The following MOSMO variants were observed in gnomAD, a reference collection of about 807,000 sequenced individuals.
MOSMO encodes the protein modulator of smoothened protein.
A neutral mutation model predicts 18.4 loss-of-function variants in MOSMO; 5 were observed. That is an observed-to-expected ratio of 0.27 (90% CI 0.14 to 0.57). MOSMO has a LOEUF of 0.57. Among genes scored for constraint, MOSMO ranks in the 20% least tolerant of loss-of-function variants. The pLI, the probability that MOSMO is intolerant of heterozygous loss-of-function variation, is 0.92. For synonymous variants in MOSMO, 82 were observed against 82.3 expected, an observed-to-expected ratio of 1.00 and a Z score of 0.02; for missense variants, 138 against 211.8, an observed-to-expected ratio of 0.65 and a Z score of 2.16.
At chr16:22,010,939 A>G (rs1477037584) in intron 1 of MOSMO, among the ~76,000 whole-genome samples, 1 of 152,064 alleles carries the variant, frequency 6.6e-6, no homozygotes, top group Non-Finnish European at 1.5e-5. Context: ...AACAGAAAAA[A>G]AAAAAAAAAG....
intron 1 of MOSMO, among the ~76,000 whole-genome samples, chr16:22,020,256 G>A (rs1899729794): frequency 6.8e-6 from 1 of 146,656 alleles, no homozygotes; most frequent in Non-Finnish European, 1.5e-5. Context: ...TTTAGAAAAT[G>A]AAGTCCAGCT....
chr16:22,068,560 C>G (rs1167220849), intron 1 of MOSMO, among the ~76,000 whole-genome samples: 2 of 152,230 alleles, frequency 1.3e-5, no homozygotes, highest in African/African-American at 4.8e-5. Context: ...CTGGCAACCA[C>G]TAGTCTATTT....
At chr16:22,088,335 A>G (rs1019115981), downstream of MOSMO, among the ~76,000 whole-genome samples, 1 of 152,100 alleles carries the variant, frequency 6.6e-6, no homozygotes, top group Non-Finnish European at 1.5e-5. Flanking sequence ...TTAATTTGTG[A>G]TGTAGATTTT....
At chr16:22,053,455 A>G (rs1339885674) in intron 1 of MOSMO, among the ~76,000 whole-genome samples, 1 of 152,176 alleles carries the variant, frequency 6.6e-6, no homozygotes, top group African/African-American at 2.4e-5. Context: ...ACACAGACAC[A>G]CACTCATGCT....
chr16:22,012,569 G>C (rs1219571755), intron 1 of MOSMO, among the ~76,000 whole-genome samples: 1 of 152,002 alleles, frequency 6.6e-6, no homozygotes, highest in East Asian at 1.9e-4. Context: ...AGATGTTCTA[G>C]GAAATAAGGA....
chr16:22,008,240 G>T lies in MOSMO; in HGVS notation c.-62G>T. 2.7e-6 allele frequency: 3 copies of T among 1,105,234 alleles called. No individual in the cohort carries two copies. The highest frequency in any genetic ancestry group is 3.8e-6 in the Non-Finnish European group (3 of 798,762). 68.5% of individuals were successfully genotyped at this position (1,105,234 alleles called of 1,614,324 possible). A position where few individuals can be genotyped will look rare whatever the true frequency, so the allele number is the denominator to read the frequency against. On this transcript the variant is annotated 5_prime_UTR_variant, in exon 1 of 3. Coordinates refer to ENST00000542527, the MANE Select transcript of MOSMO (RefSeq NM_001164579.2). ...CCGGGCCCCGGCGGCGGCCCATGGG[G>T]CGGGAGGCGTGAGGCCGCTGCCTGT...
chr16:22,063,872 A>G (rs1188564832), intron 1 of MOSMO, among the ~76,000 whole-genome samples: 1 of 152,168 alleles, frequency 6.6e-6, no homozygotes, highest in Non-Finnish European at 1.5e-5. Context: ...TCCTGGAGGT[A>G]TTTTTAGGAA....
chr16:22,054,281 AG>A (rs2141750943), intron 1 of MOSMO, among the ~76,000 whole-genome samples: 2 of 152,244 alleles, frequency 1.3e-5, no homozygotes, highest in Admixed American at 1.3e-4. Flanking sequence ...TTTTCTGCAA[AG>A]ACAGGGTCTC....
intron 1 of MOSMO, among the ~76,000 whole-genome samples, chr16:22,067,345 A>G (rs1263626706): frequency 1.3e-5 from 2 of 152,178 alleles, no homozygotes. Flanking sequence ...TTGATGAAAA[A>G]CTATACATTG....
chr16:22,047,224 G>A (rs1018887384), intron 1 of MOSMO, among the ~76,000 whole-genome samples: 2 of 137,124 alleles, frequency 1.5e-5, no homozygotes, highest in African/African-American at 5.4e-5. Flanking sequence ...ATTCTATACT[G>A]TTTATGCACC....
chr16:22,037,150 G>A (rs1258395086), intron 1 of MOSMO, among the ~76,000 whole-genome samples: 2 of 152,116 alleles, frequency 1.3e-5, no homozygotes, highest in Non-Finnish European at 2.9e-5. Context: ...CGTGCCTATA[G>A]TCCTAGCTAC....
chr16:22,064,337 G>C (rs998989807), intron 1 of MOSMO: 7 of 456,276 alleles, frequency 1.5e-5, no homozygotes, highest in African/African-American at 1.4e-4. Context: ...CTCTTTACCA[G>C]TCTCACCTTA....
intron 1 of MOSMO, among the ~76,000 whole-genome samples, chr16:22,014,774 T>G (rs1213620611): frequency 6.6e-6 from 1 of 152,226 alleles, no homozygotes; most frequent in African/African-American, 2.4e-5. Context: ...TCAAACTTTA[T>G]TTTATTAATC....
chr16:22,039,765 T>C (rs539221660), intron 1 of MOSMO, among the ~76,000 whole-genome samples: 20 of 152,346 alleles, frequency 1.3e-4, no homozygotes, highest in African/African-American at 4.3e-4. Context: ...CTCAGCTGGA[T>C]ATCTCCTTTT....
chr16:22,041,342 A>G (rs935761224), intron 1 of MOSMO, among the ~76,000 whole-genome samples: 4 of 152,206 alleles, frequency 2.6e-5, no homozygotes, highest in African/African-American at 9.6e-5. Flanking sequence ...TCCATAGCCT[A>G]AGACAATTGT....
downstream of MOSMO, among the ~76,000 whole-genome samples, chr16:22,089,766 T>G (rs970729222): frequency 6.6e-6 from 1 of 152,136 alleles, no homozygotes; most frequent in Non-Finnish European, 1.5e-5. Flanking sequence ...TAGGAACTCC[T>G]GTGTCTGGAC....
chr16:22,087,619 C>T (rs1036880899), downstream of MOSMO: 2 of 152,148 alleles, frequency 1.3e-5, no homozygotes, highest in Non-Finnish European at 2.9e-5. Flanking sequence ...ATAAATTGCT[C>T]TTTAAAAACT....
chr16:22,056,670 C>T lies in MOSMO; in HGVS notation c.107-18817C>T, dbSNP rs564659400. ...AAGTGCTGGGATTACAGGCATGAGC[C>T]ACTGTGCCCGGCCTTCTCCCTCCTT... On this transcript the variant is annotated intron_variant, in intron 1 of 2. Transcript: ENST00000542527. 2.0e-5 allele frequency among the ~76,000 whole-genome samples: 3 copies of T among 152,158 alleles called. No individual in the cohort carries two copies. The East Asian group carries it at 5.8e-4, about 29-fold the overall frequency.
rs1425542302 is a variant in MOSMO, at chr16:22,083,731, A to G, written c.*2851A>G. On this transcript the variant is annotated 3_prime_UTR_variant, in exon 3 of 3. Transcript: ENST00000542527. ...ATCACTGTAAAATCTGCTGAAAACT[A>G]TTTTTAGGTTTTATTTGCACAAGAC... 1 of 450,242 alleles carries G rather than the reference A, an allele frequency of 2.2e-6. No homozygotes were observed. The highest frequency in any genetic ancestry group is 4.4e-6 in the Non-Finnish European group (1 of 225,524). The allele number at this position is 450,242 out of a possible 1,614,324, so 27.9% of individuals were successfully genotyped here.
Sources: allele counts gnomAD v4.1 joint callset (sites outside exome capture counted in the v4.1 genomes callset), GRCh38; gene constraint gnomAD v4.1.1; transcripts MANE v1.5; gene names NCBI Gene and HGNC (gene_info 2026-07-23, HGNC 2026-07-21).